Variants in SPAG9 observed in about 807,000 individuals in gnomAD.
SPAG9 encodes sperm associated antigen 9.
Under a neutral mutation model 166.5 loss-of-function variants are expected in SPAG9, and 35 were observed. The observed-to-expected ratio is 0.21, with a 90% CI of 0.16 to 0.28. SPAG9 has a LOEUF of 0.28. Among genes scored for constraint, SPAG9 ranks in the 10% least tolerant of loss-of-function variants. The probability of loss-of-function intolerance (pLI) is 1.00; values close to 1 mark genes in which losing one functional copy is unlikely to be tolerated. For synonymous variants in SPAG9, 534 were observed against 565.5 expected (o/e 0.94, Z 0.79); for missense variants, 1,235 against 1,603.3 (o/e 0.77, Z 3.92).
chr17:51,009,665 T>A (rs1490630717), intron 9 of SPAG9, among the ~76,000 whole-genome samples: 1 of 152,156 alleles, frequency 6.6e-6, no homozygotes, highest in Non-Finnish European at 1.5e-5. Context: ...AACAACATTT[T>A]AAAATTATCA....
chr17:51,077,093 T>TAGCTATCTAGCTAG (rs1555655360), intron 2 of SPAG9, among the ~76,000 whole-genome samples: 3 of 56,066 alleles, frequency 5.4e-5, no homozygotes, highest in East Asian at 4.3e-4. Flanking sequence ...TAGCTAGCTA[T>TAGCTATCTAGCTAG]CTATCTAGCT....
intron 14 of SPAG9, 190 bp downstream of exon 14, chr17:50,999,471 C>T: frequency 6.6e-7 from 1 of 1,507,582 alleles, no homozygotes; most frequent in Non-Finnish European, 8.8e-7. Context: ...TGAGAAGAGC[C>T]TTACCGAGTT....
chr17:51,012,338 A>C (rs998422241), intron 9 of SPAG9, among the ~76,000 whole-genome samples: 1 of 152,148 alleles, frequency 6.6e-6, no homozygotes, highest in African/African-American at 2.4e-5. Flanking sequence ...CTGGGAGGCC[A>C]AGACAGGCGA....
At chr17:51,053,887 AT>A (rs2047276174) in intron 3 of SPAG9, among the ~76,000 whole-genome samples, 10 of 117,398 alleles carry the variant, frequency 8.5e-5, no homozygotes, top group African/African-American at 2.4e-4. Flanking sequence ...ATATATATAT[AT>A]ATATATATAT....
At chr17:51,078,136 T>C (rs1360187977) in intron 2 of SPAG9, among the ~76,000 whole-genome samples, 1 of 152,090 alleles carries the variant, frequency 6.6e-6, no homozygotes, top group African/African-American at 2.4e-5. Context: ...AGTCACTCAA[T>C]GTATTCAATG....
intron 1 of SPAG9, among the ~76,000 whole-genome samples, chr17:51,089,120 C>CA (rs1419706538): frequency 8.1e-5 from 12 of 148,766 alleles, no homozygotes; most frequent in Admixed American, 1.4e-4. Context: ...AACACACACA[C>CA]ACAAAAAAAA....
Position 50,998,418 on chromosome 17 carries a change from T to C in SPAG9, c.1838+26A>G, listed in dbSNP as rs2044774355. The C allele has an allele frequency of 3.1e-6, 5 of 1,593,318 alleles. 1 individual carries two copies. In the East Asian group the frequency reaches 6.7e-5, roughly 21 times the overall value. ...TGAACCACTAACTTAATTTAGAATA[T>C]AATGATTAATTTGGAAAAGACTTAC... On this transcript the variant is annotated intron_variant, in intron 15 of 29. Transcript: ENST00000262013.
intron 26 of SPAG9, 48 bp downstream of exon 26, chr17:50,979,698 T>A: frequency 6.4e-7 from 1 of 1,562,786 alleles, no homozygotes; most frequent in Non-Finnish European, 8.8e-7. Flanking sequence ...ATAGATAAAA[T>A]AAAACACCCT....
At chr17:51,042,323 C>T (rs1346489883) in intron 4 of SPAG9, among the ~76,000 whole-genome samples, 1 of 151,986 alleles carries the variant, frequency 6.6e-6, no homozygotes, top group African/African-American at 2.4e-5. Flanking sequence ...ACTGAATTTC[C>T]AATGCTTTGT....
chr17:50,969,714 C>T (rs1973629329), intron 29 of SPAG9, among the ~76,000 whole-genome samples: 1 of 152,126 alleles, frequency 6.6e-6, no homozygotes, highest in African/African-American at 2.4e-5. Context: ...AAACCTTTGG[C>T]CAAGCTATTC....
chr17:50,970,954 AAATATAT>A, intron 28 of SPAG9, 98 bp from the exon 29 acceptor site: 1 of 983,820 alleles, frequency 1.0e-6, no homozygotes, highest in South Asian at 1.6e-5. Flanking sequence ...ACAAAAAGGT[AAATATAT>A]TCTAATAACC....
chr17:50,999,741 G>C lies in SPAG9; in HGVS notation c.1608-24C>G. 1.9e-6 allele frequency: 3 copies of C among 1,603,592 alleles called. No homozygotes were observed. In the African/African-American group the frequency reaches 4.0e-5, roughly 22 times the overall value. On this transcript the variant is annotated intron_variant, in intron 13 of 29. Coordinates refer to ENST00000262013, the MANE Select transcript of SPAG9 (RefSeq NM_001130528.3). The stretch of plus-strand genomic sequence containing the variant: ...CCCTACATTCAAAAAGAAAAGAAAA[G>C]AAACATTTATCAGTGAGGTATTCTA...
chr17:50,972,410 T>G (rs988056691), intron 28 of SPAG9, among the ~76,000 whole-genome samples: 3 of 152,260 alleles, frequency 2.0e-5, no homozygotes, highest in African/African-American at 7.2e-5. Flanking sequence ...TATTTTTAAT[T>G]TAGATTATGC....
At chr17:51,090,497 C>T (rs1342973298) in intron 1 of SPAG9, among the ~76,000 whole-genome samples, 2 of 151,984 alleles carry the variant, frequency 1.3e-5, no homozygotes, top group African/African-American at 2.4e-5. Context: ...CAGAGCAAGA[C>T]TCCATCTCAA....
At chr17:51,037,658 ATGTGTTT>A (rs2046643410) in intron 5 of SPAG9, among the ~76,000 whole-genome samples, 1 of 86,280 alleles carries the variant, frequency 1.2e-5, no homozygotes, top group Non-Finnish European at 2.4e-5. Flanking sequence ...AAGTAAATAT[ATGTGTTT>A]TATATATATA....
chr17:51,066,745 A>G (rs915497987), intron 2 of SPAG9, among the ~76,000 whole-genome samples: 17 of 151,464 alleles, frequency 1.1e-4, no homozygotes, highest in African/African-American at 3.9e-4. Context: ...ACAAAAAATT[A>G]GCCAGGCATG....
chr17:50,982,610 G>T lies in SPAG9; in HGVS notation c.3151C>A (p.Arg1051Ser). Reference sequence around the variant, plus strand: ...TTGTCATGTACCACAGTCATGCAACGGATGGAATGATGAGGCCGTCCAAGG... The same window carrying T: ...TTGTCATGTACCACAGTCATGCAACTGATGGAATGATGAGGCCGTCCAAGG... Reference protein sequence around the residue: ...LDLGRPHHSIRCMTVVHDKVW... With the variant: ...LDLGRPHHSISCMTVVHDKVW... The change falls in exon 25 of 30, where the codon CGT becomes AGT. Residue 1051 changes from arginine (R) to serine (S), a missense_variant. Physicochemically the swap from Arg to Ser is moderately radical, Grantham distance 110 (BLOSUM62 -1). Coordinates refer to ENST00000262013, the MANE Select transcript of SPAG9 (RefSeq NM_001130528.3). The T allele has an allele frequency of 1.2e-6, 2 of 1,613,788 alleles. No individual in the cohort carries two copies. The highest frequency in any genetic ancestry group is 1.7e-6 in the Non-Finnish European group (2 of 1,179,854).
intron 7 of SPAG9, among the ~76,000 whole-genome samples, chr17:51,020,867 T>G (rs186332224): frequency 1.2e-3 from 176 of 152,346 alleles, no homozygotes; most frequent in Admixed American, 3.5e-3. Flanking sequence ...ATCTCTAGAT[T>G]ACTTATAATA....
chr17:51,064,365 G>C (rs1473826739), intron 2 of SPAG9, among the ~76,000 whole-genome samples: 2 of 152,162 alleles, frequency 1.3e-5, no homozygotes, highest in African/African-American at 4.8e-5. Context: ...TCTTCCCAAA[G>C]TGGTTGTTCA....
Sources: allele counts gnomAD v4.1 joint callset (sites outside exome capture counted in the v4.1 genomes callset), GRCh38; gene constraint gnomAD v4.1.1; transcripts MANE v1.5; gene names NCBI Gene and HGNC (gene_info 2026-07-23, HGNC 2026-07-21).